SCAF8: variants seen among roughly 807,000 people sequenced by gnomAD.
SCAF8 encodes SR-related CTD associated factor 8.
A neutral mutation model predicts 140.5 loss-of-function variants in SCAF8; 23 were observed. That is an observed-to-expected ratio of 0.16 (90% CI 0.12 to 0.23). The LOEUF (loss-of-function observed/expected upper bound fraction) is 0.23, where lower values mean the gene tolerates loss of function less well. SCAF8 is among the 10% of genes least tolerant of loss of function. The pLI is 1.00. For missense variants in SCAF8, 1,397 were observed against 1,555.7 expected, an observed-to-expected ratio of 0.90 and a Z score of 1.72; for synonymous variants, 575 against 528.9, an observed-to-expected ratio of 1.09 and a Z score of -1.20.
chr6:154,772,445 T>A (rs1211592294), intron 1 of SCAF8, among the ~76,000 whole-genome samples: 2 of 152,146 alleles, frequency 1.3e-5, no homozygotes, highest in East Asian at 3.9e-4. Flanking sequence ...ACCTCACCAC[T>A]TTGAGAGGCT....
At position 154,779,348 on chromosome 6, in the gene SCAF8, A is replaced by C. The variant is rs1361584745; in HGVS notation, c.159+1303A>C. ...CACTGCGCCCAGCCATAAAGTTTTAATGTCTTACACTATGCCTCATAAACT... is the reference window on the plus strand; with the variant it reads ...CACTGCGCCCAGCCATAAAGTTTTACTGTCTTACACTATGCCTCATAAACT... On this transcript the variant is annotated intron_variant, in intron 3 of 19. Coordinates refer to ENST00000367178, the MANE Select transcript of SCAF8 (RefSeq NM_014892.5). Among the ~76,000 whole-genome samples the C allele has an allele frequency of 3.9e-5, 6 of 152,212 alleles. No homozygotes were observed. In the East Asian group the frequency reaches 1.2e-3, roughly 29 times the overall value.
At chr6:154,766,013 G>A (rs1319651168) in intron 1 of SCAF8, among the ~76,000 whole-genome samples, 3 of 151,772 alleles carry the variant, frequency 2.0e-5, no homozygotes, top group Non-Finnish European at 4.4e-5. Flanking sequence ...AACATAAACA[G>A]TTGATTAAAA....
chr6:154,787,009 G>A (rs1777275865), intron 3 of SCAF8, among the ~76,000 whole-genome samples: 1 of 152,198 alleles, frequency 6.6e-6, no homozygotes, highest in South Asian at 2.1e-4. Context: ...GCAAGTAAAA[G>A]GATTCTTCAT....
chr6:154,767,983 T>A (rs1019760730), intron 1 of SCAF8, among the ~76,000 whole-genome samples: 2 of 152,150 alleles, frequency 1.3e-5, no homozygotes, highest in Admixed American at 6.5e-5. Context: ...TTTTCTCTAA[T>A]CATATTAGAG....
Position 154,832,478 on chromosome 6 carries a change from C to G in SCAF8, c.2899C>G (p.Arg967Gly), listed in dbSNP as rs776584836. The G allele has an allele frequency of 3.1e-6, 5 of 1,613,966 alleles. No homozygotes were observed. Among genetic ancestry groups the G allele is most frequent in the Non-Finnish European group, 4.2e-6 (5 of 1,179,970 alleles). Residue 967 changes from arginine to glycine, a missense_variant, in exon 20 of 20, where the codon CGT becomes GGT. This residue lies in a region of SCAF8 where 930 missense variants were observed against 874.6 expected (regional missense o/e 1.06). Transcript: ENST00000367178. Reference sequence around the variant, plus strand: ...TGATTCAGCTCTTCATCCACCACCCCGTGGACCTTTTCCTCCAGGAGATAT... The same window carrying G: ...TGATTCAGCTCTTCATCCACCACCCGGTGGACCTTTTCCTCCAGGAGATAT... ...VLDSALHPPPRGPFPPGDIFS... is the reference protein window; with the variant it reads ...VLDSALHPPPGGPFPPGDIFS...
intron 5 of SCAF8, among the ~76,000 whole-genome samples, chr6:154,793,898 A>ATT: frequency 1.2e-5 from 1 of 83,886 alleles, no homozygotes; most frequent in East Asian, 8.1e-4. Context: ...TTTTGTATGT[A>ATT]TTTTGTGTGT....
At chr6:154,784,607 A>G (rs1029377299) in intron 3 of SCAF8, among the ~76,000 whole-genome samples, 2 of 152,178 alleles carry the variant, frequency 1.3e-5, no homozygotes, top group Admixed American at 6.5e-5. Context: ...CTATACACTG[A>G]GTAGAATGTG....
intron 2 of SCAF8, among the ~76,000 whole-genome samples, chr6:154,775,365 A>G (rs1401852731): frequency 1.3e-5 from 2 of 152,172 alleles, no homozygotes; most frequent in Non-Finnish European, 2.9e-5. Flanking sequence ...TTTACTCTGC[A>G]TTATGTGATT....
chr6:154,805,400 A>G lies in SCAF8; in HGVS notation c.895A>G (p.Ile299Val). 2 of 1,611,400 alleles carry G rather than the reference A, an allele frequency of 1.2e-6. No individual in the cohort carries two copies. Among genetic ancestry groups the G allele is most frequent in the Non-Finnish European group, 1.7e-6 (2 of 1,178,212 alleles). The change falls in exon 9 of 20, where the codon ATT becomes GTT. Residue 299 changes from isoleucine (I) to valine (V), a missense_variant. Ile to Val is a conservative substitution (Grantham distance 29, BLOSUM62 3). This residue lies in a region of SCAF8 where 339 missense variants were observed against 407.5 expected (regional missense o/e 0.83). Transcript: ENST00000367178. Reference sequence around the variant, plus strand: ...CGTTTCAGAATCTGTGAACAATTCCATTTTTCATCAGATAGCAGAACAACT... The same window carrying G: ...CGTTTCAGAATCTGTGAACAATTCCGTTTTTCATCAGATAGCAGAACAACT... ...SHVSESVNNSIFHQIAEQLQQ... is the reference protein window; with the variant it reads ...SHVSESVNNSVFHQIAEQLQQ...
At chr6:154,781,334 CAGAG>C in intron 3 of SCAF8, among the ~76,000 whole-genome samples, 1 of 152,190 alleles carries the variant, frequency 6.6e-6, no homozygotes, top group Non-Finnish European at 1.5e-5. Flanking sequence ...TCAAGGAAAT[CAGAG>C]AGGACACAAA....
intron 4 of SCAF8, among the ~76,000 whole-genome samples, chr6:154,790,379 G>A (rs994811824): frequency 6.6e-6 from 1 of 151,562 alleles, no homozygotes; most frequent in Non-Finnish European, 1.5e-5. Flanking sequence ...ATGTAGTTTG[G>A]ACATAGTTTA....
intron 13 of SCAF8, among the ~76,000 whole-genome samples, chr6:154,817,833 T>G (rs1447841218): frequency 1.3e-5 from 2 of 152,166 alleles, no homozygotes. Flanking sequence ...TAAGGATAAT[T>G]GTATGGTCTG....
Position 154,733,668 on chromosome 6 carries a change from C to A in SCAF8, c.-233C>A. 1.5e-6 allele frequency: 2 copies of A among 1,307,970 alleles called. No individual in the cohort carries two copies. The highest frequency in any genetic ancestry group is 3.2e-5 in the East Asian group (1 of 31,710). 81.0% of individuals were successfully genotyped at this position (1,307,970 alleles called of 1,614,324 possible). ...ACCCGCCCCGGCAGCGCCTCTGTTC[C>A]CTAGAACGGCGCTCCCCCCGCCCTA... On this transcript the variant is annotated 5_prime_UTR_variant, in exon 1 of 20. Transcript: ENST00000367178.
intron 19 of SCAF8, 41 bp from the exon 20 acceptor site, chr6:154,831,898 G>A: frequency 6.6e-7 from 1 of 1,524,418 alleles, no homozygotes; most frequent in Non-Finnish European, 8.8e-7. Flanking sequence ...GGAAACTTTT[G>A]ACTGTTATTT....
At chr6:154,817,796 T>C (rs1408916597) in intron 13 of SCAF8, among the ~76,000 whole-genome samples, 1 of 152,178 alleles carries the variant, frequency 6.6e-6, no homozygotes, top group Non-Finnish European at 1.5e-5. Flanking sequence ...AAACAAATGC[T>C]GTGAATAGTT....
At chr6:154,744,449 C>T (rs918281620) in intron 1 of SCAF8, among the ~76,000 whole-genome samples, 1 of 152,176 alleles carries the variant, frequency 6.6e-6, no homozygotes, top group African/African-American at 2.4e-5. Flanking sequence ...GTGTTTTATA[C>T]TCTGCCCTCT....
At chr6:154,742,019 G>A in intron 1 of SCAF8, 1 of 1,530,418 alleles carries the variant, frequency 6.5e-7, no homozygotes, top group Non-Finnish European at 8.8e-7. Flanking sequence ...AAGAAGCATA[G>A]TAAGATGATG....
intron 4 of SCAF8, 111 bp downstream of exon 4, chr6:154,788,133 T>G: frequency 1.1e-6 from 1 of 901,914 alleles, no homozygotes; most frequent in Middle Eastern, 2.4e-4. Context: ...ATAATGATGT[T>G]TCAATGACAG....
chr6:154,827,216 A>C lies in SCAF8; in HGVS notation c.2116A>C (p.Thr706Pro), dbSNP rs202156492. 1.8e-5 allele frequency: 29 copies of C among 1,604,052 alleles called. No homozygotes were observed. In the African/African-American group the frequency reaches 3.4e-4, roughly 19 times the overall value. The change falls in exon 18 of 20, where the codon ACG becomes CCG. Residue 706 changes from threonine (T) to proline (P), a missense_variant. Coordinates refer to ENST00000367178, the MANE Select transcript of SCAF8 (RefSeq NM_014892.5). Reference protein sequence around the residue: ...PVPPPVVPPPTIPPVVPTSLV... With the variant: ...PVPPPVVPPPPIPPVVPTSLV... Reference sequence around the variant, plus strand: ...TCCCCCACCTGTTGTGCCACCCCCTACGATTCCACCAGTAGTACCAACATG... The same window carrying C: ...TCCCCCACCTGTTGTGCCACCCCCTCCGATTCCACCAGTAGTACCAACATG...
Sources: gnomAD v4.1 joint callset for allele counts (sites outside exome capture counted in the v4.1 genomes callset) on GRCh38, gnomAD v4.1.1 for gene constraint, gnomAD v4.1.1 regional missense constraint, MANE v1.5 for transcripts, NCBI Gene and HGNC (gene_info 2026-07-23, HGNC 2026-07-21) for gene names.